Variants in DOCK7 observed in about 807,000 individuals in gnomAD.
DOCK7 encodes dedicator of cytokinesis protein 7.
A neutral mutation model predicts 271.0 loss-of-function variants in DOCK7; 138 were observed. That is an observed-to-expected ratio of 0.51 (90% CI 0.44 to 0.59). The LOEUF (loss-of-function observed/expected upper bound fraction) is 0.59. DOCK7 is among the 20% of genes least tolerant of loss of function. DOCK7 has a pLI of 0.00. For missense variants in DOCK7, 2,066 were observed against 2,592.4 expected, an observed-to-expected ratio of 0.80 and a Z score of 4.41; for synonymous variants, 823 against 876.1, an observed-to-expected ratio of 0.94 and a Z score of 1.07.
In DOCK7 at chr1:62,539,800, T is replaced by G; in HGVS notation, c.3138A>C (p.Ala1046=). 6.2e-7 allele frequency: 1 copy of G among 1,613,868 alleles called. No homozygotes were observed. The highest frequency in any genetic ancestry group is 8.5e-7 in the Non-Finnish European group (1 of 1,179,926). Residue 1046 remains alanine, a synonymous_variant, in exon 26 of 50, where the codon GCA becomes GCC. Transcript: ENST00000635253. ...RFPERFMDDI[A]ALVSTIASDI... is the part of the protein sequence containing the mutation. ...CACTAGCAATCGTGCTGACAAGAGCTGCAATGTCATCCATGAAACGTTCTG... is the reference window on the plus strand; with the variant it reads ...CACTAGCAATCGTGCTGACAAGAGCGGCAATGTCATCCATGAAACGTTCTG...
intron 8 of DOCK7, chr1:62,635,260 C>A (rs956060922): frequency 6.2e-6 from 1 of 160,944 alleles, no homozygotes; most frequent in Non-Finnish European, 1.3e-5. Flanking sequence ...ATTTGGAAAA[C>A]ATAATAAGCA....
chr1:62,585,368 C>T (rs770928789), intron 15 of DOCK7, among the ~76,000 whole-genome samples: 5 of 152,130 alleles, frequency 3.3e-5, no homozygotes, highest in Non-Finnish European at 7.4e-5. Flanking sequence ...ATTAACAATG[C>T]ACCTATTCTT....
In DOCK7 at chr1:62,553,315, TATATATATATA is replaced by T. The variant is rs1645985856; in HGVS notation, c.2597-425_2597-415del. On this transcript the variant is annotated intron_variant, in intron 21 of 49. Coordinates refer to ENST00000635253, the MANE Select transcript of DOCK7 (RefSeq NM_001367561.1). ...GGTCTTCTAAATAAAAAGTATTTTATATATATATATATATATATATATATATATATATATAT... is the reference window on the plus strand; with the variant it reads ...GGTCTTCTAAATAAAAAGTATTTTATTATATATATATATATATATATATAT... Among the ~76,000 whole-genome samples, 24 of 52,126 alleles carry T rather than the reference TATATATATATA, an allele frequency of 4.6e-4. 2 individuals carry two copies. The highest frequency in any genetic ancestry group is 8.3e-4 in the South Asian group (1 of 1,200). 34.2% of individuals were successfully genotyped at this position (52,126 alleles called of 152,430 possible).
chr1:62,570,435 C>A (rs1448902042), intron 18 of DOCK7, among the ~76,000 whole-genome samples: 1 of 152,174 alleles, frequency 6.6e-6, no homozygotes, highest in African/African-American at 2.4e-5. Context: ...ATTCCATGCT[C>A]ATGGATAGGA....
chr1:62,610,988 A>C (rs1376185607), intron 14 of DOCK7, among the ~76,000 whole-genome samples: 4 of 152,204 alleles, frequency 2.6e-5, no homozygotes, highest in Non-Finnish European at 5.9e-5. Flanking sequence ...TAATGGGATT[A>C]CTGGGTCAAA....
At chr1:62,489,914 T>C (rs1437598213) in intron 41 of DOCK7, among the ~76,000 whole-genome samples, 1 of 152,082 alleles carries the variant, frequency 6.6e-6, no homozygotes, top group Non-Finnish European at 1.5e-5. Context: ...TATGGAAAAA[T>C]CACAAATCTT....
chr1:62,670,713 A>AT (rs1185930421), intron 1 of DOCK7, among the ~76,000 whole-genome samples: 1 of 152,006 alleles, frequency 6.6e-6, no homozygotes, highest in Non-Finnish European at 1.5e-5. Context: ...GAACCTTTGT[A>AT]TCTAGCTCAG....
intron 16 of DOCK7, among the ~76,000 whole-genome samples, chr1:62,582,629 C>T (rs1450055398): frequency 7.1e-6 from 1 of 141,594 alleles, no homozygotes; most frequent in Non-Finnish European, 1.5e-5. Flanking sequence ...AAATGAATTG[C>T]TGTAGCCCTA....
At chr1:62,496,565 T>G (rs1052637791) in intron 37 of DOCK7, 68 bp from the exon 38 acceptor site, 32 of 1,430,356 alleles carry the variant, frequency 2.2e-5, no homozygotes, top group Non-Finnish European at 3.0e-5. Flanking sequence ...CTATTTTTCC[T>G]TGCTAAAAGT....
intron 14 of DOCK7, among the ~76,000 whole-genome samples, chr1:62,611,030 C>T (rs565815254): frequency 1.3e-5 from 2 of 152,108 alleles, no homozygotes; most frequent in Admixed American, 6.6e-5. Context: ...CTTGAGGAAT[C>T]GCCACACTGT....
In DOCK7 at chr1:62,688,271, T is replaced by TGCGGCGACGGCGACG. The variant is rs1553209608; in HGVS notation, c.-22_-8dup. Reference sequence around the variant, plus strand: ...AGGCGCGGCGCTCGGCCATGGCTGCTGCGGCGACGGCGACGGCGGCGGCGG... The same window carrying TGCGGCGACGGCGACG: ...AGGCGCGGCGCTCGGCCATGGCTGCTGCGGCGACGGCGACGGCGGCGACGGCGACGGCGGCGGCGG... On this transcript the variant is annotated 5_prime_UTR_variant, in exon 1 of 50. Coordinates refer to ENST00000635253, the MANE Select transcript of DOCK7 (RefSeq NM_001367561.1). 4.6e-6 allele frequency: 6 copies of TGCGGCGACGGCGACG among 1,304,806 alleles called. No individual in the cohort carries two copies. The highest frequency in any genetic ancestry group is 3.4e-5 in the East Asian group (1 of 29,072). 80.8% of individuals were successfully genotyped at this position (1,304,806 alleles called of 1,614,324 possible).
At chr1:62,511,840 G>A (rs1047533730) in intron 33 of DOCK7, among the ~76,000 whole-genome samples, 3 of 151,746 alleles carry the variant, frequency 2.0e-5, no homozygotes, top group Admixed American at 6.6e-5. Flanking sequence ...TTTTTCCCAC[G>A]AAACTCTCAA....
intron 4 of DOCK7, among the ~76,000 whole-genome samples, chr1:62,652,550 G>C (rs982824793): frequency 1.3e-5 from 2 of 151,934 alleles, no homozygotes; most frequent in African/African-American, 4.8e-5. Flanking sequence ...AGTGCAAAGT[G>C]CCCAATAAAA....
At chr1:62,584,107 AAAC>A in intron 15 of DOCK7, 1 of 961,148 alleles carries the variant, frequency 1.0e-6, no homozygotes. Context: ...ACAACTGGTA[AAAC>A]AACTCAAAGT....
At chr1:62,512,285 C>A (rs1277867873) in intron 33 of DOCK7, among the ~76,000 whole-genome samples, 2 of 152,170 alleles carry the variant, frequency 1.3e-5, no homozygotes, top group Admixed American at 1.3e-4. Flanking sequence ...CAACCCATGG[C>A]CCTGGCCTTA....
intron 15 of DOCK7, among the ~76,000 whole-genome samples, chr1:62,585,497 T>A (rs1370005447): frequency 6.6e-6 from 1 of 152,134 alleles, no homozygotes; most frequent in Non-Finnish European, 1.5e-5. Flanking sequence ...GAAACTTGCA[T>A]TTATTAGTGT....
intron 14 of DOCK7, chr1:62,604,183 T>C: frequency 6.2e-7 from 1 of 1,613,400 alleles, no homozygotes; most frequent in Non-Finnish European, 8.5e-7. Context: ...TGGTGTTTTC[T>C]ACTTGGGATC....
At chr1:62,577,685 G>A (rs1290107876) in intron 17 of DOCK7, among the ~76,000 whole-genome samples, 1 of 152,138 alleles carries the variant, frequency 6.6e-6, no homozygotes, top group African/African-American at 2.4e-5. Context: ...TCATTTCAAT[G>A]TAAATAGTGA....
intron 41 of DOCK7, among the ~76,000 whole-genome samples, chr1:62,490,519 A>T (rs1646434168): frequency 6.6e-6 from 1 of 152,202 alleles, no homozygotes; most frequent in South Asian, 2.1e-4. Context: ...AGAAAAACAT[A>T]TGGTCCTTGA....
Sources: allele counts gnomAD v4.1 joint callset (sites outside exome capture counted in the v4.1 genomes callset), GRCh38; gene constraint gnomAD v4.1.1; transcripts MANE v1.5; gene names NCBI Gene and HGNC (gene_info 2026-07-23, HGNC 2026-07-21).